Variants in MAGI1 observed in about 807,000 individuals in gnomAD.
The protein encoded by MAGI1 is membrane associated guanylate kinase, WW and PDZ domain containing 1, also known as membrane-associated guanylate kinase, WW and PDZ domain-containing protein 1.
In MAGI1, 58 loss-of-function variants were observed where a neutral mutation model predicts 139.9. The ratio of observed to expected loss-of-function variants is 0.41; its 90% CI spans 0.34 to 0.52. The LOEUF is 0.52. Ranked by LOEUF, MAGI1 falls within the 20% of genes least tolerant of loss-of-function variation. The probability of loss-of-function intolerance (pLI) is 0.12; values close to 1 mark genes in which losing one functional copy is unlikely to be tolerated. For synonymous variants in MAGI1, 812 were observed against 737.9 expected (o/e 1.10, Z -1.63); for missense variants, 1,874 against 1,901.6 (o/e 0.99, Z 0.27).
intron 2 of MAGI1, among the ~76,000 whole-genome samples, chr3:65,560,700 G>T (rs937479009): frequency 6.6e-6 from 1 of 152,166 alleles, no homozygotes; most frequent in African/African-American, 2.4e-5. Context: ...GCCACCAAGT[G>T]AAACCCATCT....
At chr3:65,967,430 T>A (rs1017400842) in intron 1 of MAGI1, among the ~76,000 whole-genome samples, 1 of 152,096 alleles carries the variant, frequency 6.6e-6, no homozygotes, top group Admixed American at 6.5e-5. Flanking sequence ...AATGTCAGGA[T>A]GAAAGGATTT....
Position 66,038,446 on chromosome 3 carries a change from C to G in MAGI1, c.-138G>C. 8.2e-7 allele frequency: 1 copy of G among 1,220,460 alleles called. No homozygotes were observed. The highest frequency in any genetic ancestry group is 1.1e-6 in the Non-Finnish European group (1 of 911,666). The allele number at this position is 1,220,460 out of a possible 1,614,324, so 75.6% of individuals were successfully genotyped here. On this transcript the variant is annotated 5_prime_UTR_variant, in exon 1 of 23. Transcript: ENST00000402939. ...AAACAGGAGAGAGAAACTTGGCAGC[C>G]TCGCTCCCCTGCACACGCTCGCGCA... is the stretch of plus-strand genomic sequence containing the variant.
At chr3:65,601,670 AAGAG>A (rs2082487471) in intron 2 of MAGI1, among the ~76,000 whole-genome samples, 1 of 152,186 alleles carries the variant, frequency 6.6e-6, no homozygotes, top group Non-Finnish European at 1.5e-5. Flanking sequence ...AAACTCTTTT[AAGAG>A]TAAGATAAAA....
intron 2 of MAGI1, among the ~76,000 whole-genome samples, chr3:65,601,457 G>A (rs186535572): frequency 5.1e-4 from 77 of 152,228 alleles, no homozygotes; most frequent in Non-Finnish European, 9.6e-4. Flanking sequence ...GCATTTATTA[G>A]AGAATAAGAG....
chr3:65,645,423 C>T (rs2107271842), intron 1 of MAGI1, among the ~76,000 whole-genome samples: 1 of 152,168 alleles, frequency 6.6e-6, no homozygotes, highest in Non-Finnish European at 1.5e-5. Flanking sequence ...GAACTGTCAG[C>T]CCAGAATTCT....
intron 1 of MAGI1, among the ~76,000 whole-genome samples, chr3:65,718,946 CCT>C (rs778825985): frequency 8.4e-4 from 126 of 150,422 alleles, no homozygotes; most frequent in Non-Finnish European, 1.4e-3. Flanking sequence ...CTTTTCCTGC[CCT>C]CTCTCTGCTC....
intron 1 of MAGI1, among the ~76,000 whole-genome samples, chr3:65,804,196 C>T (rs533910685): frequency 6.6e-6 from 1 of 151,748 alleles, no homozygotes; most frequent in South Asian, 2.1e-4. Flanking sequence ...AGAGACCCTG[C>T]GTGGCACAAG....
intron 2 of MAGI1, among the ~76,000 whole-genome samples, chr3:65,541,692 C>A (rs1029655760): frequency 1.3e-5 from 2 of 152,228 alleles, no homozygotes; most frequent in African/African-American, 4.8e-5. Context: ...TCAACAGCTG[C>A]AGAAAAGACC....
chr3:65,576,621 G>A (rs970386684), intron 2 of MAGI1, among the ~76,000 whole-genome samples: 1 of 152,060 alleles, frequency 6.6e-6, no homozygotes, highest in Non-Finnish European at 1.5e-5. Flanking sequence ...AAAAATGGGC[G>A]TTGTACTGCT....
intron 2 of MAGI1, among the ~76,000 whole-genome samples, chr3:65,579,777 G>A (rs2081332749): frequency 6.6e-6 from 1 of 151,496 alleles, no homozygotes; most frequent in Admixed American, 6.6e-5. Context: ...AAACTGGGAG[G>A]TGGAGGTTGC....
intron 1 of MAGI1, among the ~76,000 whole-genome samples, chr3:65,842,652 C>A (rs555693246): frequency 6.6e-6 from 1 of 152,276 alleles, no homozygotes; most frequent in East Asian, 1.9e-4. Flanking sequence ...TGAGCCACTG[C>A]GCCCAGCCAT....
At chr3:65,808,697 C>A (rs577004811) in intron 1 of MAGI1, among the ~76,000 whole-genome samples, 1 of 152,288 alleles carries the variant, frequency 6.6e-6, no homozygotes, top group South Asian at 2.1e-4. Context: ...ACGACACCAA[C>A]AGAACTCCAA....
chr3:65,607,636 CCTA>C (rs1040021041), intron 2 of MAGI1, among the ~76,000 whole-genome samples: 1 of 152,106 alleles, frequency 6.6e-6, no homozygotes, highest in Non-Finnish European at 1.5e-5. Flanking sequence ...TTATGTGCTC[CCTA>C]CTACTACCCT....
intron 1 of MAGI1, among the ~76,000 whole-genome samples, chr3:65,917,621 A>AT (rs1433902487): frequency 6.6e-6 from 1 of 152,228 alleles, no homozygotes; most frequent in Non-Finnish European, 1.5e-5. Flanking sequence ...GAAACACACC[A>AT]TCAAGCCATG....
chr3:65,802,848 C>CTGTGTGTGTG (rs55814110), intron 1 of MAGI1, among the ~76,000 whole-genome samples: 3,516 of 138,174 alleles, frequency 0.025, 90 homozygotes, highest in East Asian at 0.079. Flanking sequence ...ATCATCTCAT[C>CTGTGTGTGTG]TGTGTGTGTG....
At chr3:65,641,790 G>C (rs950259702) in intron 1 of MAGI1, among the ~76,000 whole-genome samples, 32 of 152,320 alleles carry the variant, frequency 2.1e-4, no homozygotes, top group African/African-American at 7.2e-4. Flanking sequence ...TCATCTAAAA[G>C]AATCAGGAGA....
At chr3:65,887,164 T>G (rs1196105353) in intron 1 of MAGI1, among the ~76,000 whole-genome samples, 2 of 152,150 alleles carry the variant, frequency 1.3e-5, no homozygotes, top group African/African-American at 4.8e-5. Context: ...ATGCATATTT[T>G]TATCTGTATA....
intron 5 of MAGI1, among the ~76,000 whole-genome samples, chr3:65,454,880 A>G (rs1359701318): frequency 3.3e-5 from 5 of 152,184 alleles, no homozygotes; most frequent in Non-Finnish European, 5.9e-5. Flanking sequence ...CAATAACCCT[A>G]TGAGAGAAGT....
At chr3:66,000,546 A>G (rs751826607) in intron 1 of MAGI1, among the ~76,000 whole-genome samples, 3 of 152,230 alleles carry the variant, frequency 2.0e-5, no homozygotes, top group Non-Finnish European at 4.4e-5. Flanking sequence ...CCAAGGGTAA[A>G]TAATGGCACA....
Sources: gnomAD v4.1 joint callset for allele counts (sites outside exome capture counted in the v4.1 genomes callset) on GRCh38, gnomAD v4.1.1 for gene constraint, MANE v1.5 for transcripts, NCBI Gene and HGNC (gene_info 2026-07-23, HGNC 2026-07-21) for gene names.